UTRN: variants seen among roughly 807,000 people sequenced by gnomAD.
UTRN encodes dystrophin-related protein 1.
Under a neutral mutation model 463.9 loss-of-function variants are expected in UTRN, and 283 were observed. The ratio of observed to expected loss-of-function variants is 0.61; its 90% CI spans 0.55 to 0.67. The LOEUF is 0.67. UTRN is among the 30% of genes least tolerant of loss of function. The pLI, the probability that UTRN is intolerant of heterozygous loss-of-function variation, is 0.00. For synonymous variants in UTRN, 1,442 were observed against 1,431.5 expected (o/e 1.01, Z -0.17); for missense variants, 3,922 against 4,084.3 (o/e 0.96, Z 1.08).
chr6:144,748,642 C>T (rs563301961), intron 55 of UTRN, 128 bp downstream of exon 55: 1 of 1,262,666 alleles, frequency 7.9e-7, no homozygotes, highest in East Asian at 2.5e-5. Context: ...TGCAACCCCA[C>T]CCATCAGGAG....
intron 51 of UTRN, among the ~76,000 whole-genome samples, chr6:144,645,490 G>A (rs1178860244): frequency 6.6e-6 from 1 of 152,138 alleles, no homozygotes; most frequent in African/African-American, 2.4e-5. Context: ...AAACATTTAG[G>A]TAAATAATGG....
intron 54 of UTRN, among the ~76,000 whole-genome samples, chr6:144,734,876 G>T (rs576506922): frequency 6.6e-6 from 1 of 152,138 alleles, no homozygotes; most frequent in African/African-American, 2.4e-5. Context: ...ATGCCAGGGG[G>T]TGCCATGTTA....
chr6:144,647,354 G>T (rs1778402435), intron 51 of UTRN, among the ~76,000 whole-genome samples: 1 of 152,138 alleles, frequency 6.6e-6, no homozygotes, highest in Admixed American at 6.5e-5. Flanking sequence ...AAGAAACTTA[G>T]GTTCTCCAGA....
chr6:144,798,625 ATATAT>A (rs2128745577), intron 64 of UTRN, among the ~76,000 whole-genome samples: 1 of 152,356 alleles, frequency 6.6e-6, no homozygotes, highest in Non-Finnish European at 1.5e-5. Flanking sequence ...GACCTCTTGA[ATATAT>A]TATATTTCTC....
At chr6:144,312,706 C>T (rs555002490) in intron 2 of UTRN, among the ~76,000 whole-genome samples, 1 of 152,080 alleles carries the variant, frequency 6.6e-6, no homozygotes, top group Non-Finnish European at 1.5e-5. Flanking sequence ...TTTAGTTTTT[C>T]TCTTCCATGT....
At chr6:144,482,511 T>TTCTC (rs1472661114) in intron 27 of UTRN, 123 bp downstream of exon 27, 2 of 594,912 alleles carry the variant, frequency 3.4e-6, no homozygotes, top group East Asian at 5.5e-5. Context: ...TGGAGAAAAC[T>TTCTC]TCTCTTTTCT....
At chr6:144,405,389 G>C (rs908868536) in intron 3 of UTRN, among the ~76,000 whole-genome samples, 2 of 152,134 alleles carry the variant, frequency 1.3e-5, no homozygotes, top group Non-Finnish European at 2.9e-5. Flanking sequence ...TCTAGACTGG[G>C]AGATTTCCAT....
intron 13 of UTRN, among the ~76,000 whole-genome samples, chr6:144,442,761 C>G (rs1390192717): frequency 6.6e-6 from 1 of 152,138 alleles, no homozygotes; most frequent in African/African-American, 2.4e-5. Flanking sequence ...AATGTGAGAA[C>G]TGTGGTAGTT....
intron 52 of UTRN, among the ~76,000 whole-genome samples, chr6:144,683,623 A>C (rs938095409): frequency 2.6e-5 from 4 of 152,138 alleles, no homozygotes; most frequent in African/African-American, 9.7e-5. Flanking sequence ...TATGTCTCAA[A>C]TATTTCTCGA....
At chr6:144,690,130 T>TGTGTGTG (rs1562770946) in intron 52 of UTRN, among the ~76,000 whole-genome samples, 13 of 115,184 alleles carry the variant, frequency 1.1e-4, no homozygotes, top group East Asian at 5.6e-4. Context: ...TGTGTGTGTG[T>TGTGTGTG]TAAGCTACCA....
intron 2 of UTRN, among the ~76,000 whole-genome samples, chr6:144,383,151 C>T (rs866477771): frequency 1.3e-5 from 2 of 151,822 alleles, no homozygotes; most frequent in African/African-American, 2.4e-5. Context: ...AGGCTGGTCT[C>T]GAACTCCTGG....
chr6:144,690,472 C>T (rs1783285538), intron 52 of UTRN, among the ~76,000 whole-genome samples: 1 of 152,108 alleles, frequency 6.6e-6, no homozygotes, highest in Non-Finnish European at 1.5e-5. Flanking sequence ...TAAGCCTTCC[C>T]AGTGGAGATG....
chr6:144,407,765 A>G (rs1463047239), intron 3 of UTRN, among the ~76,000 whole-genome samples: 1 of 152,200 alleles, frequency 6.6e-6, no homozygotes, highest in African/African-American at 2.4e-5. Context: ...CACTCAAAAT[A>G]TGTATTCTTT....
intron 2 of UTRN, among the ~76,000 whole-genome samples, chr6:144,315,132 A>G (rs1468443392): frequency 1.3e-5 from 2 of 152,222 alleles, no homozygotes; most frequent in Non-Finnish European, 2.9e-5. Context: ...GCATTGGAAC[A>G]TAAGCCAGCC....
At chr6:144,712,085 G>C (rs1393169144) in intron 53 of UTRN, among the ~76,000 whole-genome samples, 2 of 152,102 alleles carry the variant, frequency 1.3e-5, no homozygotes, top group Non-Finnish European at 2.9e-5. Flanking sequence ...TTAGAAGGTT[G>C]CCTACAGTGG....
chr6:144,327,478 C>T (rs1477404440), intron 2 of UTRN, among the ~76,000 whole-genome samples: 1 of 152,170 alleles, frequency 6.6e-6, no homozygotes. Context: ...TGAGGCAGCC[C>T]CTGGGTGTTG....
intron 51 of UTRN, among the ~76,000 whole-genome samples, chr6:144,621,536 T>A (rs1237457546): frequency 1.3e-5 from 2 of 152,204 alleles, no homozygotes; most frequent in South Asian, 2.1e-4. Context: ...CTCGCTATGA[T>A]GCAATTCTCT....
At chr6:144,614,465 A>G (rs1177025985) in intron 51 of UTRN, among the ~76,000 whole-genome samples, 3 of 152,144 alleles carry the variant, frequency 2.0e-5, no homozygotes, top group African/African-American at 7.2e-5. Flanking sequence ...ACATCCCTTT[A>G]GTCTCAGCTC....
At chr6:144,306,201 C>A (rs951171573) in intron 2 of UTRN, among the ~76,000 whole-genome samples, 1 of 152,168 alleles carries the variant, frequency 6.6e-6, no homozygotes, top group African/African-American at 2.4e-5. Flanking sequence ...GCCTTGCTTC[C>A]TCTGAAAGCT....
Sources: allele counts gnomAD v4.1 joint callset (sites outside exome capture counted in the v4.1 genomes callset), GRCh38; gene constraint gnomAD v4.1.1; transcripts MANE v1.5; gene names NCBI Gene and HGNC (gene_info 2026-07-23, HGNC 2026-07-21).